IQSEC1: variants seen among roughly 807,000 people sequenced by gnomAD.
The protein encoded by IQSEC1 is IQ motif and Sec7 domain ArfGEF 1.
A neutral mutation model predicts 91.0 loss-of-function variants in IQSEC1; 31 were observed. That is an observed-to-expected ratio of 0.34 (90% CI 0.26 to 0.46). The LOEUF is 0.46. IQSEC1 is among the 20% of genes least tolerant of loss of function. The probability of loss-of-function intolerance (pLI) is 1.00; values close to 1 mark genes in which losing one functional copy is unlikely to be tolerated. For synonymous variants in IQSEC1, 699 were observed against 662.6 expected, an observed-to-expected ratio of 1.05 and a Z score of -0.84; for missense variants, 1,388 against 1,575.6, an observed-to-expected ratio of 0.88 and a Z score of 2.02.
intron 3 of IQSEC1, among the ~76,000 whole-genome samples, chr3:12,927,205 C>T (rs1697221935): frequency 1.3e-5 from 2 of 152,214 alleles, no homozygotes; most frequent in Admixed American, 1.3e-4. Context: ...GGCCCACACA[C>T]TGTTAACAAA....
intron 2 of IQSEC1, among the ~76,000 whole-genome samples, chr3:13,101,133 A>C (rs1311846679): frequency 6.6e-6 from 1 of 152,106 alleles, no homozygotes; most frequent in Non-Finnish European, 1.5e-5. Flanking sequence ...CGCAGCGAGG[A>C]GCCATGGGAG....
intron 1 of IQSEC1, among the ~76,000 whole-genome samples, chr3:12,956,514 A>G (rs1423267427): frequency 6.6e-6 from 1 of 152,192 alleles, no homozygotes; most frequent in Non-Finnish European, 1.5e-5. Flanking sequence ...CATGGTCATC[A>G]TAACCACCAA....
chr3:12,906,669 C>A (rs919345409), intron 12 of IQSEC1, among the ~76,000 whole-genome samples: 1 of 152,214 alleles, frequency 6.6e-6, no homozygotes, highest in African/African-American at 2.4e-5. Context: ...GTGGGCCCAC[C>A]CCTCACACGA....
chr3:12,922,318 T>C lies in IQSEC1; in HGVS notation c.1731-76A>G. 1 of 1,442,924 alleles carries C rather than the reference T, an allele frequency of 6.9e-7. No individual in the cohort carries two copies. The highest frequency in any genetic ancestry group is 9.2e-7 in the Non-Finnish European group (1 of 1,085,712). The allele number at this position is 1,442,924 out of a possible 1,614,324, so 89.4% of individuals were successfully genotyped here. On this transcript the variant is annotated intron_variant, in intron 4 of 13. Coordinates refer to ENST00000613206, the MANE Select transcript of IQSEC1 (RefSeq NM_001134382.3). This position sits in a 1 kb window ranked among gnomAD's most constrained non-coding sequence, Gnocchi z 5.1. ...CGCCCAGCCCACCCCCAGGTGGTGG[T>C]GCCTGAAGCCCTGGGAATGGACCGC...
intron 1 of IQSEC1, among the ~76,000 whole-genome samples, chr3:13,043,174 C>A (rs1389772080): frequency 6.6e-6 from 1 of 152,196 alleles, no homozygotes; most frequent in Admixed American, 6.5e-5. Flanking sequence ...AGCGGCTGAG[C>A]TGCAGGGCCA....
intron 1 of IQSEC1, among the ~76,000 whole-genome samples, chr3:13,175,932 G>C (rs1276357507): frequency 2.0e-5 from 3 of 152,186 alleles, no homozygotes; most frequent in African/African-American, 7.2e-5. Context: ...CCATCACCTG[G>C]GTAATTAGCT....
intron 2 of IQSEC1, among the ~76,000 whole-genome samples, chr3:13,152,721 A>G (rs142732709): frequency 2.2e-3 from 336 of 152,278 alleles, no homozygotes; most frequent in African/African-American, 7.5e-3. Context: ...AAATACAAAA[A>G]TTAGCCGGGT....
rs558429362 is a variant in IQSEC1, at chr3:13,008,692, G to A, written c.23+64300C>T. Among the ~76,000 whole-genome samples, 25 of 152,308 alleles carry A rather than the reference G, an allele frequency of 1.6e-4. No homozygotes were observed. The highest frequency in any genetic ancestry group is 4.6e-4 in the African/African-American group (19 of 41,564). On this transcript the variant is annotated intron_variant, in intron 1 of 13. Transcript: ENST00000613206. The surrounding 1 kb of genome is among the most constrained non-coding windows in gnomAD (Gnocchi z 4.1). ...AGCTCTGTGAGGGAGGGGGTCTCAC[G>A]CTGGTGTCCTCACTGCTTTGAGCGG...
rs938996657 is a variant in IQSEC1 at position 13,138,706 on chromosome 3, C to T, written c.302+25398G>A. On this transcript the variant is annotated intron_variant, in intron 2 of 15. Coordinates refer to the IQSEC1 transcript ENST00000648114. ...ACCATGACCTTGTGCAGCTGGTCACCCCCAGGAAGGCCCCGTTTCTGCTGG... is the reference window on the plus strand; with the variant it reads ...ACCATGACCTTGTGCAGCTGGTCACTCCCAGGAAGGCCCCGTTTCTGCTGG... Among the ~76,000 whole-genome samples the T allele has an allele frequency of 3.3e-5, 5 of 152,076 alleles. No homozygotes were observed. The East Asian group carries it at 5.8e-4, about 18-fold the overall frequency.
upstream of IQSEC1, among the ~76,000 whole-genome samples, chr3:13,076,007 C>G (rs1438667575): frequency 6.6e-6 from 1 of 152,200 alleles, no homozygotes; most frequent in African/African-American, 2.4e-5. Flanking sequence ...CCACACCTCC[C>G]AGATGCAAAG....
rs1205380784 is a variant in IQSEC1, at chr3:13,193,755, C to T, written c.273-29622G>A. Among the ~76,000 whole-genome samples the T allele has an allele frequency of 6.6e-6, 1 of 152,160 alleles. No individual in the cohort carries two copies. Among genetic ancestry groups the T allele is most frequent in the Non-Finnish European group, 1.5e-5 (1 of 68,018 alleles). On this transcript the variant is annotated intron_variant, in intron 1 of 15. Coordinates refer to the IQSEC1 transcript ENST00000648114. The surrounding 1 kb of genome is among the most constrained non-coding windows in gnomAD (Gnocchi z 4.2). ...CTCCCTGGACACATGCTGTGCTGGA[C>T]GCTGTCCCACTTCCCCCGGCCCCAC...
At position 13,195,135 on chromosome 3, in the gene IQSEC1, A is replaced by G. The variant is rs187289757; in HGVS notation, c.273-31002T>C. Among the ~76,000 whole-genome samples the G allele has an allele frequency of 2.2e-4, 33 of 152,354 alleles. No homozygotes were observed. The East Asian group carries it at 4.6e-3, about 21-fold the overall frequency. ...AGTATCTAGAATATAAAAAATGTTC[A>G]AAATTGAACAGTAAAACACCAAACA... On this transcript the variant is annotated intron_variant, in intron 1 of 15. Coordinates refer to the IQSEC1 transcript ENST00000648114.
At chr3:13,129,307 G>A (rs1317698795) in intron 2 of IQSEC1, among the ~76,000 whole-genome samples, 4 of 152,124 alleles carry the variant, frequency 2.6e-5, no homozygotes, top group Non-Finnish European at 5.9e-5. Flanking sequence ...TCAGTTACCT[G>A]CAGAATCTGT....
chr3:13,094,783 G>T (rs536451), intron 2 of IQSEC1, among the ~76,000 whole-genome samples: 114,741 of 152,058 alleles, frequency 0.75, 43,574 homozygotes, highest in East Asian at 0.89. Flanking sequence ...CACTGAGCAC[G>T]GTGTGACCTG....
At chr3:12,991,902 AG>A (rs1342023729) in intron 1 of IQSEC1, among the ~76,000 whole-genome samples, 2 of 150,748 alleles carry the variant, frequency 1.3e-5, no homozygotes, top group African/African-American at 4.9e-5. Flanking sequence ...CAGGTTGGTC[AG>A]AGCAGCGGCT....
At chr3:13,138,480 A>C (rs944063339) in intron 2 of IQSEC1, among the ~76,000 whole-genome samples, 3 of 151,910 alleles carry the variant, frequency 2.0e-5, no homozygotes, top group African/African-American at 7.2e-5. Flanking sequence ...AAGCCGGCCC[A>C]GCTCCTTGCT....
intron 1 of IQSEC1, among the ~76,000 whole-genome samples, chr3:13,223,422 T>A (rs768853978): frequency 6.6e-6 from 1 of 152,170 alleles, no homozygotes; most frequent in Non-Finnish European, 1.5e-5. Context: ...CCTCCACCCC[T>A]GGGGAGTGGA....
intron 3 of IQSEC1, among the ~76,000 whole-genome samples, chr3:12,932,726 C>T (rs889871990): frequency 6.6e-6 from 1 of 152,196 alleles, no homozygotes; most frequent in African/African-American, 2.4e-5. Flanking sequence ...GGAGTTGCCC[C>T]AGGTCCCACA....
At chr3:13,068,548 T>A in intron 1 of IQSEC1, among the ~76,000 whole-genome samples, 1 of 152,118 alleles carries the variant, frequency 6.6e-6, no homozygotes, top group Non-Finnish European at 1.5e-5. Context: ...TAACCCCCAG[T>A]CTTTTCTTCA....
Sources: gnomAD v4.1 joint callset for allele counts (sites outside exome capture counted in the v4.1 genomes callset) on GRCh38, gnomAD v4.1.1 for gene constraint, Gnocchi (gnomAD v3.1) non-coding constraint, MANE v1.5 for transcripts, NCBI Gene and HGNC (gene_info 2026-07-23, HGNC 2026-07-21) for gene names.